Variants in NOD1 observed in about 807,000 individuals in gnomAD.
NOD1 encodes the protein nucleotide-binding oligomerization domain-containing protein 1.
In NOD1, 70 loss-of-function variants were observed where a neutral mutation model predicts 81.2. The ratio of observed to expected loss-of-function variants is 0.86; its 90% CI spans 0.71 to 1.05. The LOEUF (loss-of-function observed/expected upper bound fraction) is 1.05. Ranked by LOEUF, NOD1 falls within the 50% of genes least tolerant of loss-of-function variation. The pLI, the probability that NOD1 is intolerant of heterozygous loss-of-function variation, is 0.00. For missense variants in NOD1, 1,233 were observed against 1,228.0 expected (o/e 1.00, Z -0.06); for synonymous variants, 508 against 526.9 (o/e 0.96, Z 0.49).
rs539539641 is a variant in NOD1, at chr7:30,452,741, C to A, written c.676G>T (p.Ala226Ser). 7 of 1,613,682 alleles carry A rather than the reference C, an allele frequency of 4.3e-6. No homozygotes were observed. In the Admixed American group the frequency reaches 8.3e-5, roughly 19 times the overall value. The change falls in exon 6 of 14, where the codon GCA (alanine) becomes TCA (serine). Residue 226 changes from alanine (A) to serine (S), a missense_variant. Transcript: ENST00000222823. ...AAGTGGAAGAAGAATTTGACCCCTG[C>A]GTCTAGCCGGCCCGTGGCCCAGAGG... ...QSLWATGRLD[A>S]GVKFFFHFRC...
In NOD1 at chr7:30,425,668, A is replaced by G. The variant is rs746595148; in HGVS notation, c.2832T>C (p.Tyr944=). The part of the protein sequence containing the change: ...NLIKPEEAKV[Y]EDEKRIICF Reference sequence around the variant, plus strand: ...AACAGATAATCCGCTTCTCATCTTCATAGACTTTGGCCTCCTCTGGTTTTA... The same window carrying G: ...AACAGATAATCCGCTTCTCATCTTCGTAGACTTTGGCCTCCTCTGGTTTTA... The change falls in exon 14 of 14, where the codon TAT becomes TAC. Residue 944 remains tyrosine, a synonymous_variant. Coordinates refer to ENST00000222823, the MANE Select transcript of NOD1 (RefSeq NM_006092.4). The G allele has an allele frequency of 6.2e-6, 10 of 1,613,956 alleles. No individual in the cohort carries two copies. The East Asian group carries it at 8.9e-5, about 14-fold the overall frequency.
chr7:30,454,255 A>C (rs1786108116), intron 5 of NOD1, among the ~76,000 whole-genome samples: 1 of 152,246 alleles, frequency 6.6e-6, no homozygotes, highest in Non-Finnish European at 1.5e-5. Flanking sequence ...GTATGTTACC[A>C]ACAGCTGTCT....
At chr7:30,425,762 C>T (rs376783469) in intron 13 of NOD1, 52 bp from the exon 14 acceptor site, 18 of 1,219,888 alleles carry the variant, frequency 1.5e-5, no homozygotes, top group African/African-American at 3.0e-5. Flanking sequence ...TAAGGATCCT[C>T]GCACACTCCT....
In NOD1 at chr7:30,452,720, GGAA is replaced by G. The variant is rs1785910870; in HGVS notation, c.694_696del (p.Phe232del). Reference sequence around the variant, plus strand: ...CAGCTGAACATGCGGCAGCGAAAGTGGAAGAAGAATTTGACCCCTGCGTCTAGC... The same window carrying G: ...CAGCTGAACATGCGGCAGCGAAAGTGGAAGAATTTGACCCCTGCGTCTAGC... On this transcript the variant is annotated inframe_deletion, in exon 6 of 14. Coordinates refer to ENST00000222823, the MANE Select transcript of NOD1 (RefSeq NM_006092.4). 1.2e-6 allele frequency: 2 copies of G among 1,613,978 alleles called. No individual in the cohort carries two copies. Among genetic ancestry groups the G allele is most frequent in the Non-Finnish European group, 1.7e-6 (2 of 1,180,040 alleles).
intron 7 of NOD1, chr7:30,447,581 G>A (rs530858650): frequency 5.9e-6 from 1 of 168,378 alleles, no homozygotes; most frequent in Admixed American, 5.7e-5. Context: ...CAGAGCCCTG[G>A]AGCCGAGTGT....
At chr7:30,459,650 T>C (rs1786798766) in intron 2 of NOD1, among the ~76,000 whole-genome samples, 1 of 152,222 alleles carries the variant, frequency 6.6e-6, no homozygotes, top group African/African-American at 2.4e-5. Context: ...GCTCCAGGGT[T>C]GGGGCCTGTT....
intron 1 of NOD1, chr7:30,463,892 G>A (rs1442761196): frequency 6.6e-6 from 1 of 151,834 alleles, no homozygotes; most frequent in Admixed American, 6.6e-5. Context: ...TCTCATTTTG[G>A]AGCACTTCCT....
chr7:30,474,165 T>G (rs192839461), intron 1 of NOD1, among the ~76,000 whole-genome samples: 70 of 152,350 alleles, frequency 4.6e-4, no homozygotes, highest in African/African-American at 1.6e-3. Context: ...AAACCTTATC[T>G]GAAGTCACAC....
At chr7:30,426,776 G>C (rs905287584) in intron 13 of NOD1, among the ~76,000 whole-genome samples, 2 of 152,084 alleles carry the variant, frequency 1.3e-5, no homozygotes, top group African/African-American at 4.8e-5. Context: ...GCTTCTGGCA[G>C]TTCTTCCAGG....
In NOD1 at chr7:30,453,048, G is replaced by T; in HGVS notation, c.377-8C>A. 1 of 1,593,784 alleles carries T rather than the reference G, an allele frequency of 6.3e-7. No homozygotes were observed. Among genetic ancestry groups the T allele is most frequent in the South Asian group, 1.1e-5 (1 of 88,390 alleles). ...GCTGGGTATACCTGCTCACTGGAGG[G>T]AGGGGGTGGCAGGGCACAGCAGCAG... On this transcript the variant is annotated splice_region_variant and splice_polypyrimidine_tract_variant and intron_variant, in intron 5 of 13. Coordinates refer to ENST00000222823, the MANE Select transcript of NOD1 (RefSeq NM_006092.4).
intron 5 of NOD1, among the ~76,000 whole-genome samples, chr7:30,454,049 G>A (rs534593295): frequency 6.6e-6 from 1 of 152,328 alleles, no homozygotes; most frequent in South Asian, 2.1e-4. Context: ...AGGAAACAAG[G>A]GGAGACAGGA....
At position 30,478,075 on chromosome 7, in the gene NOD1, C is replaced by T. The variant is rs369644741; in HGVS notation, c.-352+531G>A. On this transcript the variant is annotated intron_variant, in intron 1 of 13. Transcript: ENST00000222823. The surrounding 1 kb of genome is among the most constrained non-coding windows in gnomAD (Gnocchi z 4.1). ...TGTCTCATTTCCTTACTTTGTGGAGCATGAAACCCAAGGGAAGTTCTCACC... is the reference window on the plus strand; with the variant it reads ...TGTCTCATTTCCTTACTTTGTGGAGTATGAAACCCAAGGGAAGTTCTCACC... Among the ~76,000 whole-genome samples the T allele has an allele frequency of 2.6e-5, 4 of 152,170 alleles. No individual in the cohort carries two copies. Among genetic ancestry groups the T allele is most frequent in the East Asian group, 3.9e-4 (2 of 5,184 alleles).
chr7:30,450,293 C>A (rs1393334557), intron 6 of NOD1, among the ~76,000 whole-genome samples: 1 of 152,100 alleles, frequency 6.6e-6, no homozygotes, highest in South Asian at 2.1e-4. Context: ...AGAACAGACT[C>A]CAGGTTTTCC....
At chr7:30,468,713 C>CAACCCCCAACATA (rs1787960420) in intron 1 of NOD1, 1 of 616,520 alleles carries the variant, frequency 1.6e-6, no homozygotes, top group Non-Finnish European at 2.0e-6. Context: ...TGGGCTCCAC[C>CAACCCCCAACATA]AACCCCCAAC....
intron 9 of NOD1, 56 bp downstream of exon 9, chr7:30,446,085 C>T (rs1785039881): frequency 7.5e-7 from 1 of 1,337,072 alleles, no homozygotes; most frequent in African/African-American, 1.4e-5. Flanking sequence ...ACAGCAAGGC[C>T]CGCCCCCCAC....
At chr7:30,469,343 G>A in intron 1 of NOD1, 1 of 679,978 alleles carries the variant, frequency 1.5e-6, no homozygotes, top group Non-Finnish European at 1.8e-6. Flanking sequence ...GAATTTGAAA[G>A]CAGATGGAAG....
At chr7:30,436,164 C>G in intron 10 of NOD1, 83 bp from the exon 11 acceptor site, 2 of 1,140,986 alleles carry the variant, frequency 1.8e-6, no homozygotes, top group Non-Finnish European at 2.6e-6. Flanking sequence ...AGCTGGGAAG[C>G]CTCTGCCTGG....
chr7:30,430,001 C>G (rs2127990758), intron 12 of NOD1, among the ~76,000 whole-genome samples: 1 of 152,254 alleles, frequency 6.6e-6, no homozygotes, highest in South Asian at 2.1e-4. Flanking sequence ...GCCTGGGTGA[C>G]AGAGTGAGAC....
intron 12 of NOD1, among the ~76,000 whole-genome samples, chr7:30,431,462 A>G (rs1045342712): frequency 4.6e-5 from 7 of 152,232 alleles, no homozygotes; most frequent in South Asian, 4.1e-4. Context: ...AAATCAATGG[A>G]CCAGAACAGA....
Sources: allele counts gnomAD v4.1 joint callset (sites outside exome capture counted in the v4.1 genomes callset), GRCh38; gene constraint gnomAD v4.1.1; non-coding constraint Gnocchi (gnomAD v3.1); transcripts MANE v1.5; gene names NCBI Gene and HGNC (gene_info 2026-07-23, HGNC 2026-07-21).